AK7: variants seen among roughly 807,000 people sequenced by gnomAD.
AK7 encodes ATP-AMP transphosphorylase 7.
In AK7, 78 loss-of-function variants were observed where a neutral mutation model predicts 96.6. That is an observed-to-expected ratio of 0.81 (90% confidence interval 0.67 to 0.97). AK7 has a LOEUF of 0.97. AK7 is among the 50% of genes least tolerant of loss of function. The pLI, the probability that AK7 is intolerant of heterozygous loss-of-function variation, is 0.00. For missense variants in AK7, 855 were observed against 887.9 expected, an observed-to-expected ratio of 0.96 and a Z score of 0.47; for synonymous variants, 302 against 317.2, an observed-to-expected ratio of 0.95 and a Z score of 0.51.
chr14:96,464,229 C>A (rs1894428121), intron 12 of AK7, among the ~76,000 whole-genome samples: 1 of 151,974 alleles, frequency 6.6e-6, no homozygotes, highest in Admixed American at 6.6e-5. Context: ...GAAGGCCATA[C>A]TATAAACAGT....
chr14:96,446,119 T>A (rs779261096), intron 7 of AK7, among the ~76,000 whole-genome samples: 1 of 152,110 alleles, frequency 6.6e-6, no homozygotes, highest in Non-Finnish European at 1.5e-5. Context: ...CCTAAAGCAT[T>A]GTTGTGAGGC....
In AK7 at chr14:96,483,058, A is replaced by G. The variant is rs903372294; in HGVS notation, c.1813A>G (p.Ile605Val). 5 of 1,614,084 alleles carry G rather than the reference A, an allele frequency of 3.1e-6. No individual in the cohort carries two copies. Among genetic ancestry groups the G allele is most frequent in the Non-Finnish European group, 4.2e-6 (5 of 1,180,040 alleles). ...TGCTATCAAACAGCTCATCAAAGAG[A>G]TTGGGGAGCCTCGAAATTATGGTTT... is the stretch of plus-strand genomic sequence containing the variant. ...RLAIKQLIKE[I>V]GEPRNYGLTD... Residue 605 changes from isoleucine (I) to valine (V), a missense_variant, in exon 16 of 18, where the codon ATT becomes GTT. Transcript: ENST00000267584.
chr14:96,446,330 CT>C (rs1344960813), intron 7 of AK7, among the ~76,000 whole-genome samples, 186 bp from the exon 8 acceptor site: 5 of 152,342 alleles, frequency 3.3e-5, no homozygotes, highest in Non-Finnish European at 7.3e-5. Flanking sequence ...TCACCGAACC[CT>C]TTAGCATCTT....
chr14:96,452,325 CT>C lies in AK7; in HGVS notation c.1098+767del, dbSNP rs548934217. On this transcript the variant is annotated intron_variant, in intron 10 of 17. Coordinates refer to ENST00000267584, the MANE Select transcript of AK7 (RefSeq NM_152327.5). ...CAAAGGCTCAAAGAGATGAAGCAAC[CT>C]TTTTTTTTTTTATTCAGACAGAGTC... Among the ~76,000 whole-genome samples, 194 of 144,652 alleles carry C rather than the reference CT, an allele frequency of 1.3e-3. 1 individual carries two copies. The highest frequency in any genetic ancestry group is 3.0e-3 in the African/African-American group (118 of 39,794). 94.9% of individuals were successfully genotyped at this position (144,652 alleles called of 152,430 possible).
chr14:96,421,927 T>C (rs981962844), intron 5 of AK7, among the ~76,000 whole-genome samples: 5 of 152,138 alleles, frequency 3.3e-5, no homozygotes, highest in African/African-American at 1.2e-4. Context: ...GCTATTGCAG[T>C]ATCTGGCCAG....
At chr14:96,420,323 C>T (rs1032165083) in intron 4 of AK7, among the ~76,000 whole-genome samples, 1 of 151,510 alleles carries the variant, frequency 6.6e-6, no homozygotes, top group African/African-American at 2.4e-5. Flanking sequence ...ATGGCAAAAA[C>T]CTGTCTACTA....
intron 5 of AK7, among the ~76,000 whole-genome samples, chr14:96,426,072 T>C (rs764015335): frequency 2.6e-4 from 39 of 152,248 alleles, no homozygotes; most frequent in Admixed American, 1.8e-3. Context: ...TCTAGTTGTT[T>C]TATTGTCTTA....
intron 5 of AK7, among the ~76,000 whole-genome samples, chr14:96,425,771 A>G (rs1322988199): frequency 6.6e-6 from 1 of 152,154 alleles, no homozygotes; most frequent in East Asian, 1.9e-4. Context: ...GGTGTGAGCC[A>G]CCGTGCCCAG....
At chr14:96,464,482 G>A (rs967888112) in intron 12 of AK7, among the ~76,000 whole-genome samples, 22 of 149,732 alleles carry the variant, frequency 1.5e-4, no homozygotes, top group African/African-American at 3.4e-4. Flanking sequence ...CCTTGAGTCC[G>A]GGAGGTCAAG....
intron 1 of AK7, among the ~76,000 whole-genome samples, chr14:96,397,694 C>A (rs1890159355): frequency 6.6e-6 from 1 of 152,212 alleles, no homozygotes; most frequent in Non-Finnish European, 1.5e-5. Flanking sequence ...CCAGCCTAGG[C>A]AACATAGCAA....
At chr14:96,403,416 AGTGAG>A (rs1890529672) in intron 2 of AK7, among the ~76,000 whole-genome samples, 1 of 152,160 alleles carries the variant, frequency 6.6e-6, no homozygotes, top group South Asian at 2.1e-4. Context: ...CTTCCAGAAC[AGTGAG>A]ACTTTGGTTG....
At chr14:96,446,972 ATAAAT>A (rs2140102595) in intron 8 of AK7, among the ~76,000 whole-genome samples, 1 of 152,282 alleles carries the variant, frequency 6.6e-6, no homozygotes, top group African/African-American at 2.4e-5. Flanking sequence ...TAAAATAAAA[ATAAAT>A]TAAAAAGTTT....
intron 10 of AK7, among the ~76,000 whole-genome samples, chr14:96,453,929 G>C (rs777423920): frequency 6.6e-6 from 1 of 152,074 alleles, no homozygotes; most frequent in African/African-American, 2.4e-5. Flanking sequence ...AGCCCTGCTC[G>C]TCAGGACTCA....
chr14:96,461,848 A>T (rs1894267694), intron 12 of AK7, among the ~76,000 whole-genome samples: 1 of 152,200 alleles, frequency 6.6e-6, no homozygotes, highest in Non-Finnish European at 1.5e-5. Context: ...GGCCTCTGAA[A>T]GTGCTGGGAC....
intron 6 of AK7, among the ~76,000 whole-genome samples, chr14:96,438,649 C>T (rs566510040): frequency 6.6e-6 from 1 of 152,098 alleles, no homozygotes; most frequent in African/African-American, 2.4e-5. Flanking sequence ...GCCTGGTAGC[C>T]CCTCGTGAAG....
intron 4 of AK7, among the ~76,000 whole-genome samples, chr14:96,418,770 C>T (rs1433465095): frequency 6.6e-6 from 1 of 152,200 alleles, no homozygotes; most frequent in African/African-American, 2.4e-5. Flanking sequence ...CCACCCACCT[C>T]AGCCTCCCAA....
chr14:96,458,383 G>A (rs1372151174), intron 12 of AK7, among the ~76,000 whole-genome samples, 171 bp downstream of exon 12: 1 of 151,986 alleles, frequency 6.6e-6, no homozygotes, highest in Non-Finnish European at 1.5e-5. Context: ...ATCACTTGAG[G>A]CCAGGAGTTT....
chr14:96,487,411 G>A (rs796828453), intron 17 of AK7, among the ~76,000 whole-genome samples: 1,255 of 124,756 alleles, frequency 0.01, 6 homozygotes, highest in Non-Finnish European at 0.017. Flanking sequence ...GAAAAAAAAA[G>A]AAAAAAAAAT....
chr14:96,487,693 C>T (rs1895854052), intron 17 of AK7, among the ~76,000 whole-genome samples: 1 of 151,972 alleles, frequency 6.6e-6, no homozygotes, highest in African/African-American at 2.4e-5. Flanking sequence ...TCCCAAAGTG[C>T]TGAGATTACA....
Sources: allele counts gnomAD v4.1 joint callset (sites outside exome capture counted in the v4.1 genomes callset), GRCh38; gene constraint gnomAD v4.1.1; transcripts MANE v1.5; gene names NCBI Gene and HGNC (gene_info 2026-07-23, HGNC 2026-07-21).